The following FAXC variants were observed in gnomAD, a reference collection of about 807,000 sequenced individuals.
FAXC encodes failed axon connections homolog, metaxin like GST domain containing.
A neutral mutation model predicts 41.9 loss-of-function variants in FAXC; 10 were observed. That is an observed-to-expected ratio of 0.24 (90% CI 0.15 to 0.41). The LOEUF is 0.41. Ranked by LOEUF, FAXC falls within the 10% of genes least tolerant of loss-of-function variation. The pLI is 1.00. For synonymous variants in FAXC, 183 were observed against 183.8 expected (o/e 1.00, Z 0.03); for missense variants, 399 against 510.9 (o/e 0.78, Z 2.11).
intron 3 of FAXC, among the ~76,000 whole-genome samples, chr6:99,324,229 C>A (rs1400314160): frequency 6.6e-6 from 1 of 151,882 alleles, no homozygotes; most frequent in African/African-American, 2.4e-5. Flanking sequence ...TGAAAGAAAC[C>A]TTTTTCCCTT....
At chr6:99,314,529 G>A (rs1364170719) in intron 4 of FAXC, among the ~76,000 whole-genome samples, 2 of 152,188 alleles carry the variant, frequency 1.3e-5, no homozygotes, top group Non-Finnish European at 2.9e-5. Context: ...AGCTATGATT[G>A]TGTCACTGCA....
At chr6:99,347,713 A>G (rs6929937) in intron 1 of FAXC, among the ~76,000 whole-genome samples, 2,857 of 152,368 alleles carry the variant, frequency 0.019, 107 homozygotes, top group African/African-American at 0.066. Flanking sequence ...GCTTTAGACT[A>G]GAATACAACT....
chr6:99,293,344 C>A (rs962448188), intron 4 of FAXC, among the ~76,000 whole-genome samples: 4 of 152,234 alleles, frequency 2.6e-5, no homozygotes, highest in African/African-American at 9.6e-5. Flanking sequence ...TGCTGTGCAC[C>A]CTCTCTCTGC....
At chr6:99,292,161 C>G (rs1771273448) in intron 4 of FAXC, among the ~76,000 whole-genome samples, 1 of 152,158 alleles carries the variant, frequency 6.6e-6, no homozygotes. Flanking sequence ...TGCTTAAGAA[C>G]ACCTGGAAGT....
chr6:99,328,832 G>C (rs1476094384), intron 3 of FAXC, among the ~76,000 whole-genome samples: 1 of 152,092 alleles, frequency 6.6e-6, no homozygotes, highest in Non-Finnish European at 1.5e-5. Context: ...TTGATAACAG[G>C]TATACATACC....
chr6:99,326,759 C>T (rs775771442), intron 3 of FAXC, among the ~76,000 whole-genome samples: 17 of 152,256 alleles, frequency 1.1e-4, no homozygotes, highest in Admixed American at 3.9e-4. Flanking sequence ...TCTTTCTCTG[C>T]GCTTCAGAAA....
At chr6:99,293,276 G>C (rs1400991010) in intron 4 of FAXC, among the ~76,000 whole-genome samples, 1 of 152,128 alleles carries the variant, frequency 6.6e-6, no homozygotes, top group Non-Finnish European at 1.5e-5. Flanking sequence ...TAGCAAACCT[G>C]GGGACCACCC....
At chr6:99,336,959 A>G (rs1773239966) in intron 2 of FAXC, among the ~76,000 whole-genome samples, 1 of 152,192 alleles carries the variant, frequency 6.6e-6, no homozygotes, top group Non-Finnish European at 1.5e-5. Context: ...TCCACTGGCT[A>G]AATTTGAAAT....
At chr6:99,318,306 C>CACACACACACAAA (rs147852055) in intron 4 of FAXC, among the ~76,000 whole-genome samples, 2 of 135,318 alleles carry the variant, frequency 1.5e-5, no homozygotes, top group African/African-American at 5.4e-5. Flanking sequence ...CACACACACA[C>CACACACACACAAA]AAAATAGAAG....
At position 99,291,785 on chromosome 6, in the gene FAXC, T is replaced by A. The variant is rs201116673; in HGVS notation, c.859A>T (p.Thr287Ser). Residue 287 changes from threonine (T) to serine (S), a missense_variant, in exon 5 of 6, where the codon ACT becomes TCT. Coordinates refer to ENST00000389677, the MANE Select transcript of FAXC (RefSeq NM_032511.4). ...TGTCCAAAGACAGTGGCGTCAAGAGTGGAAAGCTTGGGCCCCATGATGTAC... is the reference window on the plus strand; with the variant it reads ...TGTCCAAAGACAGTGGCGTCAAGAGAGGAAAGCTTGGGCCCCATGATGTAC... ...KKYIMGPKLS[T>S]LDATVFGHLA... is the part of the protein sequence containing the mutation. 1 of 1,613,778 alleles carries A rather than the reference T, an allele frequency of 6.2e-7. No individual in the cohort carries two copies. Among genetic ancestry groups the A allele is most frequent in the East Asian group, 2.2e-5 (1 of 44,858 alleles).
chr6:99,304,052 G>A (rs574310771), intron 4 of FAXC, among the ~76,000 whole-genome samples: 13 of 152,224 alleles, frequency 8.5e-5, no homozygotes, highest in South Asian at 2.1e-4. Context: ...GAGCTGAGGC[G>A]GGTGGATCAC....
At chr6:99,305,309 G>A (rs1002500521) in intron 4 of FAXC, among the ~76,000 whole-genome samples, 11 of 152,110 alleles carry the variant, frequency 7.2e-5, no homozygotes, top group South Asian at 4.1e-4. Flanking sequence ...CCATGGTTGC[G>A]GGGCAGAAAG....
chr6:99,342,475 G>C (rs1331613076), intron 2 of FAXC, among the ~76,000 whole-genome samples: 1 of 151,920 alleles, frequency 6.6e-6, no homozygotes, highest in Non-Finnish European at 1.5e-5. Context: ...CTCCCAGGTA[G>C]CTGGGATTAC....
At chr6:99,308,739 G>A (rs993584555) in intron 4 of FAXC, among the ~76,000 whole-genome samples, 2 of 151,992 alleles carry the variant, frequency 1.3e-5, no homozygotes, top group Admixed American at 6.5e-5. Context: ...AAAATGTTTA[G>A]TGTTTGCTTT....
intron 3 of FAXC, among the ~76,000 whole-genome samples, chr6:99,328,928 C>G (rs1772927810): frequency 6.6e-6 from 1 of 152,186 alleles, no homozygotes; most frequent in Non-Finnish European, 1.5e-5. Context: ...TTTGAGCCAG[C>G]TACTGCTAAG....
At chr6:99,322,271 C>G (rs1025789638) in intron 4 of FAXC, among the ~76,000 whole-genome samples, 2 of 152,112 alleles carry the variant, frequency 1.3e-5, no homozygotes, top group African/African-American at 2.4e-5. Flanking sequence ...GGGATCTGCC[C>G]TCTGCAAGCT....
intron 3 of FAXC, among the ~76,000 whole-genome samples, chr6:99,333,032 C>T (rs905271158): frequency 2.6e-5 from 4 of 152,180 alleles, no homozygotes; most frequent in African/African-American, 7.2e-5. Context: ...TAGCAGAACA[C>T]GGTCATGCTC....
chr6:99,342,341 G>A (rs1265580473), intron 2 of FAXC, among the ~76,000 whole-genome samples: 1 of 151,174 alleles, frequency 6.6e-6, no homozygotes, highest in East Asian at 1.9e-4. Flanking sequence ...ATTAACCAAA[G>A]CATACTTTTT....
intron 1 of FAXC, among the ~76,000 whole-genome samples, chr6:99,344,998 G>A (rs1372845688): frequency 6.6e-6 from 1 of 151,934 alleles, no homozygotes; most frequent in Non-Finnish European, 1.5e-5. Context: ...CTTTAGAATG[G>A]GTACTGTTAC....
Sources: allele counts gnomAD v4.1 joint callset (sites outside exome capture counted in the v4.1 genomes callset), GRCh38; gene constraint gnomAD v4.1.1; transcripts MANE v1.5; gene names NCBI Gene and HGNC (gene_info 2026-07-23, HGNC 2026-07-21).